TMEM230: variants seen among roughly 807,000 people sequenced by gnomAD.
TMEM230 encodes transmembrane protein 230.
A neutral mutation model predicts 15.8 loss-of-function variants in TMEM230; 10 were observed. That is an observed-to-expected ratio of 0.63 (90% CI 0.39 to 1.07). The LOEUF is 1.07. TMEM230 is among the 50% of genes least tolerant of loss of function. TMEM230 has a pLI of 0.01. For missense variants in TMEM230, 165 were observed against 193.3 expected (o/e 0.85, Z 0.87); for synonymous variants, 67 against 76.9 (o/e 0.87, Z 0.68).
chr20:5,084,582 T>C (rs533973519), intron 3 of TMEM230, among the ~76,000 whole-genome samples: 338 of 152,300 alleles, frequency 2.2e-3, no homozygotes, highest in Non-Finnish European at 4.0e-3. Context: ...TTGCCCAGGC[T>C]GGAGTGCAGT....
chr20:5,077,308 A>AAAAAC lies in TMEM230; in HGVS notation c.223-7964_223-7960dup, dbSNP rs370223220. On this transcript the variant is annotated intron_variant, in intron 3 of 3. Coordinates refer to the TMEM230 transcript ENST00000612323. ...AGGCAACAGAGCAAGACCCTGTCTC[A>AAAAAC]AAAACAAAACAAAACAAAACAAAAA... Among the ~76,000 whole-genome samples the AAAAAC allele has an allele frequency of 6.6e-4, 100 of 152,202 alleles. 1 individual carries two copies. The highest frequency in any genetic ancestry group is 2.2e-3 in the African/African-American group (93 of 41,552).
chr20:5,084,160 G>A (rs2089263187), intron 3 of TMEM230, among the ~76,000 whole-genome samples: 1 of 151,836 alleles, frequency 6.6e-6, no homozygotes, highest in Non-Finnish European at 1.5e-5. Context: ...TGGCCTTCGG[G>A]TCCATCTGTG....
chr20:5,105,402 G>A (rs1339216387), intron 4 of TMEM230, among the ~76,000 whole-genome samples: 5 of 152,046 alleles, frequency 3.3e-5, no homozygotes, highest in African/African-American at 1.2e-4. Context: ...GCCAGCCTGG[G>A]CAACATGGCG....
At chr20:5,073,315 A>G (rs1421346909) in intron 3 of TMEM230, among the ~76,000 whole-genome samples, 2 of 152,232 alleles carry the variant, frequency 1.3e-5, no homozygotes, top group Non-Finnish European at 2.9e-5. Context: ...TGGGGCACAC[A>G]AAGACAATGA....
intron 3 of TMEM230, among the ~76,000 whole-genome samples, chr20:5,071,699 A>G (rs1312328264): frequency 1.3e-5 from 2 of 152,024 alleles, no homozygotes; most frequent in Admixed American, 6.6e-5. Context: ...GAATACAGAC[A>G]TTAATATGTG....
At chr20:5,072,052 T>G (rs2088845148) in intron 3 of TMEM230, among the ~76,000 whole-genome samples, 2 of 150,004 alleles carry the variant, frequency 1.3e-5, no homozygotes, top group African/African-American at 2.5e-5. Context: ...CGCCCAGCCT[T>G]TTTTGAGTTT....
chr20:5,106,121 G>C (rs112713377), intron 4 of TMEM230, 67 bp downstream of exon 3: 13 of 1,091,664 alleles, frequency 1.2e-5, no homozygotes, highest in Middle Eastern at 3.1e-4. Flanking sequence ...ACACACACAC[G>C]CACACTAGAG....
chr20:5,113,013 G>A lies in TMEM230; in HGVS notation c.16C>T (p.Leu6=), dbSNP rs1434845879. 2 of 1,549,450 alleles carry A rather than the reference G, an allele frequency of 1.3e-6. No individual in the cohort carries two copies. The highest frequency in any genetic ancestry group is 8.7e-7 in the Non-Finnish European group (1 of 1,147,232). Residue 6 remains leucine (L), a synonymous_variant, in exon 1 of 5, where the codon CTG becomes TTG. Coordinates refer to ENST00000342308, the MANE Select transcript of TMEM230 (RefSeq NM_001009923.2). ...ACCCAGAGCTCGCCCACGGTTGGCA[G>A]CGCCCAAGGTTGCATGGCATGGCCC...
chr20:5,091,629 CTTA>C (rs1164693398), intron 3 of TMEM230, among the ~76,000 whole-genome samples: 2 of 152,092 alleles, frequency 1.3e-5, no homozygotes, highest in African/African-American at 4.8e-5. Context: ...ATTAATATTA[CTTA>C]TTATATTTGT....
chr20:5,079,043 A>G (rs2089096822), intron 3 of TMEM230, among the ~76,000 whole-genome samples: 1 of 152,156 alleles, frequency 6.6e-6, no homozygotes, highest in Admixed American at 6.5e-5. Flanking sequence ...TCACATACAA[A>G]ATTTTGCTGA....
intron 3 of TMEM230, among the ~76,000 whole-genome samples, chr20:5,071,641 A>AG (rs2088832776): frequency 6.7e-6 from 1 of 150,204 alleles, no homozygotes; most frequent in Non-Finnish European, 1.5e-5. Flanking sequence ...AAAAAAAACA[A>AG]AAAGGGTACA....
intron 3 of TMEM230, among the ~76,000 whole-genome samples, chr20:5,077,558 G>A (rs1347653028): frequency 7.3e-6 from 1 of 137,486 alleles, no homozygotes; most frequent in Non-Finnish European, 1.7e-5. Flanking sequence ...AATTAACTGG[G>A]CATGGTGGCG....
chr20:5,070,317 A>G (rs2088781317), intron 3 of TMEM230, among the ~76,000 whole-genome samples: 1 of 152,186 alleles, frequency 6.6e-6, no homozygotes, highest in Non-Finnish European at 1.5e-5. Context: ...TCTTGCGCTA[A>G]CTGTAGCACT....
At chr20:5,088,758 C>G (rs1038308846) in intron 3 of TMEM230, among the ~76,000 whole-genome samples, 3 of 152,156 alleles carry the variant, frequency 2.0e-5, no homozygotes, top group Non-Finnish European at 4.4e-5. Context: ...AAGAGATCCT[C>G]CCACCTCAGC....
downstream of TMEM230, among the ~76,000 whole-genome samples, chr20:5,099,467 C>T (rs967163404): frequency 6.6e-6 from 1 of 150,532 alleles, no homozygotes; most frequent in Non-Finnish European, 1.5e-5. Flanking sequence ...TCCCTCACTT[C>T]CTGAGTTTTT....
downstream of TMEM230, among the ~76,000 whole-genome samples, chr20:5,099,212 AAATAAATAAATAAATAAATAAATC>A (rs1241509588): frequency 5.4e-4 from 44 of 81,994 alleles, 1 homozygote; most frequent in South Asian, 0.011. Context: ...ATAAATAAAT[AAATAAATAAATAAATAAATAAATC>A]AATCAATCAA....
intron 4 of TMEM230, among the ~76,000 whole-genome samples, chr20:5,104,288 G>A (rs566461135): frequency 7.2e-5 from 11 of 152,258 alleles, no homozygotes; most frequent in African/African-American, 2.4e-4. Context: ...TCGAACTCCT[G>A]GGCTCAAGTG....
intron 3 of TMEM230, among the ~76,000 whole-genome samples, chr20:5,075,617 C>T (rs549656964): frequency 1.3e-5 from 2 of 151,496 alleles, no homozygotes; most frequent in African/African-American, 2.4e-5. Context: ...CCCAGCTACT[C>T]GGGAGGATGA....
intron 3 of TMEM230, among the ~76,000 whole-genome samples, chr20:5,074,055 T>C (rs2088911235): frequency 6.6e-6 from 1 of 152,092 alleles, no homozygotes; most frequent in South Asian, 2.1e-4. Context: ...CACAACCAGA[T>C]CTTGCCTGAA....
Sources: gnomAD v4.1 joint callset for allele counts (sites outside exome capture counted in the v4.1 genomes callset) on GRCh38, gnomAD v4.1.1 for gene constraint, MANE v1.5 for transcripts, NCBI Gene and HGNC (gene_info 2026-07-23, HGNC 2026-07-21) for gene names.